Variants in JAK1 observed in about 807,000 individuals in gnomAD.
JAK1 encodes the protein tyrosine-protein kinase JAK1.
JAK1 carries 16 observed loss-of-function variants against 136.6 expected under a neutral mutation model. That is an observed-to-expected ratio of 0.12 (90% confidence interval 0.08 to 0.18). The LOEUF is 0.18. Ranked by LOEUF, JAK1 falls within the 10% of genes least tolerant of loss-of-function variation. The pLI, the probability that JAK1 is intolerant of heterozygous loss-of-function variation, is 1.00. For missense variants in JAK1, 859 were observed against 1,450.1 expected, an observed-to-expected ratio of 0.59 and a Z score of 6.62; for synonymous variants, 492 against 519.5, an observed-to-expected ratio of 0.95 and a Z score of 0.72.
chr1:64,937,945 T>C lies in JAK1; in HGVS notation c.-78+28388A>G, dbSNP rs1645820369. 2.0e-5 allele frequency among the ~76,000 whole-genome samples: 3 copies of C among 152,130 alleles called. No individual in the cohort carries two copies. In the Middle Eastern group the frequency reaches 0.01, roughly 517 times the overall value. Reference sequence around the variant, plus strand: ...CCCAGGCTGGAGTGCAGTGGCGCGATCTCGGCTCAGTGCAACATCTGCCTC... The same window carrying C: ...CCCAGGCTGGAGTGCAGTGGCGCGACCTCGGCTCAGTGCAACATCTGCCTC... On this transcript the variant is annotated intron_variant, in intron 1 of 24. Coordinates refer to ENST00000342505, the MANE Select transcript of JAK1 (RefSeq NM_002227.4).
intron 1 of JAK1, among the ~76,000 whole-genome samples, chr1:64,959,773 C>T (rs1030597085): frequency 6.6e-6 from 1 of 152,112 alleles, no homozygotes; most frequent in Non-Finnish European, 1.5e-5. Flanking sequence ...TGAGAAACTG[C>T]CTTCTTTTTT....
At chr1:65,064,921 A>G (rs915567189) in intron 1 of JAK1, among the ~76,000 whole-genome samples, 1 of 152,140 alleles carries the variant, frequency 6.6e-6, no homozygotes, top group Non-Finnish European at 1.5e-5. Context: ...GAACCATCCT[A>G]TTTATCATTC....
At chr1:65,013,434 A>T (rs1004293208) in intron 2 of JAK1, among the ~76,000 whole-genome samples, 2 of 152,054 alleles carry the variant, frequency 1.3e-5, no homozygotes, top group Non-Finnish European at 2.9e-5. Flanking sequence ...CGAAACAAAA[A>T]AAGAAAATCC....
chr1:64,902,105 G>C (rs1046532331), intron 1 of JAK1, among the ~76,000 whole-genome samples: 1 of 152,160 alleles, frequency 6.6e-6, no homozygotes, highest in Non-Finnish European at 1.5e-5. Context: ...CTTTATCACA[G>C]TTTTCTAATT....
Position 65,045,181 on chromosome 1 carries a change from A to ATC in JAK1, c.-180-600_-180-599insGA, listed in dbSNP as rs1401706819. On this transcript the variant is annotated intron_variant, in intron 1 of 25. Transcript: ENST00000671954. Reference sequence around the variant, plus strand: ...TCATACAGCTGGGGAGGAAGAAGGCATGATGGCCACATCAAAGCTGAGCTC... The same window carrying ATC: ...TCATACAGCTGGGGAGGAAGAAGGCATCTGATGGCCACATCAAAGCTGAGCTC... Among the ~76,000 whole-genome samples the ATC allele has an allele frequency of 1.1e-4, 16 of 152,374 alleles. No individual in the cohort carries two copies. The East Asian group carries it at 3.1e-3, about 29-fold the overall frequency.
chr1:64,843,084 C>G (rs559247085), intron 17 of JAK1, among the ~76,000 whole-genome samples: 1 of 152,256 alleles, frequency 6.6e-6, no homozygotes, highest in East Asian at 1.9e-4. Flanking sequence ...CCAAATCCTT[C>G]CTTGTCCCAT....
chr1:65,009,977 AT>A lies in JAK1; in HGVS notation c.-78+34502del, dbSNP rs576620215. Among the ~76,000 whole-genome samples, 447 of 152,294 alleles carry A rather than the reference AT, an allele frequency of 2.9e-3. 4 individuals are homozygous for A. Among genetic ancestry groups the A allele is most frequent in the African/African-American group, 0.01 (433 of 41,568 alleles). ...CTATCTTAGTGTACTGCAATGGATTATTTTCATGTTCATGTACCCACTAGAC... is the reference window on the plus strand; with the variant it reads ...CTATCTTAGTGTACTGCAATGGATTATTTCATGTTCATGTACCCACTAGAC... On this transcript the variant is annotated intron_variant, in intron 2 of 25. Transcript: ENST00000671954.
At chr1:64,986,613 C>G (rs982183139) in intron 2 of JAK1, among the ~76,000 whole-genome samples, 1 of 152,042 alleles carries the variant, frequency 6.6e-6, no homozygotes, top group African/African-American at 2.4e-5. Context: ...AAATAATAAG[C>G]TGGGTGCAGT....
chr1:64,908,949 A>G (rs1645235608), intron 1 of JAK1, among the ~76,000 whole-genome samples: 1 of 152,220 alleles, frequency 6.6e-6, no homozygotes, highest in African/African-American at 2.4e-5. Flanking sequence ...CACTACTGGC[A>G]ATATAACAGA....
chr1:64,888,137 C>T (rs756459347), intron 1 of JAK1, among the ~76,000 whole-genome samples: 4 of 152,146 alleles, frequency 2.6e-5, no homozygotes, highest in Non-Finnish European at 5.9e-5. Context: ...AGAAGGGCTA[C>T]CATATAAACC....
chr1:64,842,956 T>C lies in JAK1; in HGVS notation c.2403+1108A>G, dbSNP rs1011017134. 4.6e-5 allele frequency among the ~76,000 whole-genome samples: 7 copies of C among 152,116 alleles called. No homozygotes were observed. In the East Asian group the frequency reaches 1.4e-3, roughly 30 times the overall value. On this transcript the variant is annotated intron_variant, in intron 17 of 24. Coordinates refer to ENST00000342505, the MANE Select transcript of JAK1 (RefSeq NM_002227.4). ...CCGCTGCCATTTCCGGACATGGGGC[T>C]CCCATTGCTGAGAGACTCGGGGCCC...
intron 2 of JAK1, chr1:64,985,345 G>T: frequency 2.5e-6 from 4 of 1,611,246 alleles, no homozygotes; most frequent in Non-Finnish European, 3.4e-6. Context: ...TGCTTTTCTT[G>T]TGCCATCCTT....
At position 64,912,214 on chromosome 1, in the gene JAK1, AG is replaced by A. The variant is rs533080083; in HGVS notation, c.-77-25874del. Among the ~76,000 whole-genome samples the A allele has an allele frequency of 3.9e-5, 6 of 152,290 alleles. No homozygotes were observed. The East Asian group carries it at 1.2e-3, about 29-fold the overall frequency. On this transcript the variant is annotated intron_variant, in intron 1 of 24. Coordinates refer to ENST00000342505, the MANE Select transcript of JAK1 (RefSeq NM_002227.4). ...GAGTAGACAATTTTTTGAACTCTCC[AG>A]GTGATTCTGAGGCCCATCTGTTCTA...
chr1:65,067,066 AAC>A (rs1267467379), intron 1 of JAK1, among the ~76,000 whole-genome samples: 1 of 151,848 alleles, frequency 6.6e-6, no homozygotes, highest in Non-Finnish European at 1.5e-5. Flanking sequence ...CCTCGGGAAA[AAC>A]ACACGCACGC....
chr1:65,048,658 T>G (rs539183890), intron 1 of JAK1, among the ~76,000 whole-genome samples: 17 of 152,288 alleles, frequency 1.1e-4, no homozygotes, highest in African/African-American at 3.6e-4. Context: ...TCTGAGAGTT[T>G]AGCCAAAAAA....
intron 2 of JAK1, among the ~76,000 whole-genome samples, chr1:65,030,823 C>T (rs369699333): frequency 2.0e-5 from 3 of 152,134 alleles, no homozygotes; most frequent in African/African-American, 7.2e-5. Flanking sequence ...TGAGCCACCG[C>T]ACCTGGCCTC....
chr1:64,896,975 C>A (rs1645023219), intron 1 of JAK1, among the ~76,000 whole-genome samples: 1 of 152,138 alleles, frequency 6.6e-6, no homozygotes, highest in Non-Finnish European at 1.5e-5. Flanking sequence ...ATTTTAAACT[C>A]TTGGAAAAAT....
intron 2 of JAK1, chr1:65,002,452 A>G (rs1217002479): frequency 6.6e-6 from 1 of 152,262 alleles, no homozygotes; most frequent in Non-Finnish European, 1.5e-5. Context: ...ACTACAAGCA[A>G]GTAACAAGCT....
At chr1:64,919,153 C>T (rs899446448) in intron 1 of JAK1, among the ~76,000 whole-genome samples, 8 of 152,294 alleles carry the variant, frequency 5.3e-5, no homozygotes, top group African/African-American at 1.9e-4. Flanking sequence ...TCTCCTAACG[C>T]TATCCCTCCC....
Sources: allele counts gnomAD v4.1 joint callset (sites outside exome capture counted in the v4.1 genomes callset), GRCh38; gene constraint gnomAD v4.1.1; transcripts MANE v1.5; gene names NCBI Gene and HGNC (gene_info 2026-07-23, HGNC 2026-07-21).